Variants in NDST3 observed in about 807,000 individuals in gnomAD.
NDST3 encodes N-deacetylase and N-sulfotransferase 3, also known as bifunctional heparan sulfate N-deacetylase/N-sulfotransferase 3.
NDST3 carries 58 observed loss-of-function variants against 96.1 expected under a neutral mutation model. The observed-to-expected ratio is 0.60, with a 90% CI of 0.49 to 0.75. The LOEUF is 0.75. Among genes scored for constraint, NDST3 ranks in the 30% least tolerant of loss-of-function variants. NDST3 has a pLI of 0.00. For synonymous variants in NDST3, 333 were observed against 359.7 expected (o/e 0.93, Z 0.84); for missense variants, 788 against 1,034.2 (o/e 0.76, Z 3.27).
At chr4:118,200,396 C>A (rs573815933) in intron 6 of NDST3, among the ~76,000 whole-genome samples, 1 of 152,288 alleles carries the variant, frequency 6.6e-6, no homozygotes, top group East Asian at 1.9e-4. Context: ...AAGGGCTCTT[C>A]AGTCAGCTTG....
rs1358126348 is a variant in NDST3 at position 118,224,477 on chromosome 4, T to C, written c.1540-14T>C. 1 of 1,590,250 alleles carries C rather than the reference T, an allele frequency of 6.3e-7. No homozygotes were observed. The highest frequency in any genetic ancestry group is 8.6e-7 in the Non-Finnish European group (1 of 1,166,470). ...TAAATGTTATTTACACTGAAGTTCA[T>C]TTGCTTTTTTCAGATCAGCATTTTC... On this transcript the variant is annotated splice_polypyrimidine_tract_variant and intron_variant, in intron 6 of 13. Transcript: ENST00000296499.
At chr4:118,063,060 C>T (rs1394652516) in intron 2 of NDST3, among the ~76,000 whole-genome samples, 6 of 151,782 alleles carry the variant, frequency 4.0e-5, no homozygotes, top group Non-Finnish European at 8.8e-5. Flanking sequence ...AGTGGTGGCA[C>T]ACTCCTGTAG....
At chr4:118,156,010 C>T (rs745921432) in intron 6 of NDST3, among the ~76,000 whole-genome samples, 1 of 152,122 alleles carries the variant, frequency 6.6e-6, no homozygotes, top group African/African-American at 2.4e-5. Flanking sequence ...TTCCTACATA[C>T]TAAATACAAA....
chr4:118,163,557 C>T (rs1228186519), intron 6 of NDST3, among the ~76,000 whole-genome samples: 1 of 151,724 alleles, frequency 6.6e-6, no homozygotes, highest in Non-Finnish European at 1.5e-5. Flanking sequence ...ACAATGAGAA[C>T]ACATGGACAC....
intron 2 of NDST3, among the ~76,000 whole-genome samples, chr4:118,081,544 A>C (rs1355527354): frequency 3.3e-5 from 5 of 152,152 alleles, no homozygotes; most frequent in Admixed American, 3.3e-4. Context: ...TTCATATGTA[A>C]CAGGAGGGAT....
At chr4:118,061,567 C>A (rs1323488692) in intron 2 of NDST3, among the ~76,000 whole-genome samples, 1 of 152,106 alleles carries the variant, frequency 6.6e-6, no homozygotes, top group Non-Finnish European at 1.5e-5. Context: ...ACCAGACATA[C>A]CATGTATTTT....
At chr4:118,075,901 T>C (rs2125809373) in intron 2 of NDST3, among the ~76,000 whole-genome samples, 1 of 152,346 alleles carries the variant, frequency 6.6e-6, no homozygotes. Flanking sequence ...CTCTTTAGTT[T>C]AATTAGATCC....
rs551305326 is a variant in NDST3, at chr4:118,117,399, G to A, written c.1224+2439G>A. Among the ~76,000 whole-genome samples, 13 of 152,094 alleles carry A rather than the reference G, an allele frequency of 8.5e-5. No homozygotes were observed. In the South Asian group the frequency reaches 2.5e-3, roughly 29 times the overall value. ...GAGGTGTTTGGACTGACAGGTAAGA[G>A]GGACAAAAATCCTTAAGTTTAAAAG... On this transcript the variant is annotated intron_variant, in intron 4 of 13. Coordinates refer to ENST00000296499, the MANE Select transcript of NDST3 (RefSeq NM_004784.3).
chr4:118,248,133 C>T (rs771995107), intron 12 of NDST3, among the ~76,000 whole-genome samples: 2 of 152,064 alleles, frequency 1.3e-5, no homozygotes, highest in Non-Finnish European at 2.9e-5. Flanking sequence ...GGTGGATCAC[C>T]TGAGGTCAGG....
intron 6 of NDST3, among the ~76,000 whole-genome samples, chr4:118,204,987 T>A (rs1429803110): frequency 1.4e-5 from 2 of 144,868 alleles, no homozygotes; most frequent in Admixed American, 1.4e-4. Flanking sequence ...TGGCTTATTA[T>A]ATTAAAGTTG....
chr4:118,221,635 G>GA (rs1202413094), intron 6 of NDST3, among the ~76,000 whole-genome samples: 1 of 151,988 alleles, frequency 6.6e-6, no homozygotes, highest in Non-Finnish European at 1.5e-5. Flanking sequence ...GTTACACTTT[G>GA]ACAAACAGTA....
intron 6 of NDST3, among the ~76,000 whole-genome samples, chr4:118,144,892 T>C (rs980624829): frequency 6.6e-6 from 1 of 152,172 alleles, no homozygotes; most frequent in Non-Finnish European, 1.5e-5. Flanking sequence ...AGGAGATTTA[T>C]TGTGCTCAAT....
intron 4 of NDST3, among the ~76,000 whole-genome samples, chr4:118,132,327 C>G (rs1168183331): frequency 2.0e-5 from 3 of 152,172 alleles, no homozygotes; most frequent in African/African-American, 7.2e-5. Context: ...GGAGAAGAGC[C>G]TCTCCCTCTG....
intron 2 of NDST3, among the ~76,000 whole-genome samples, chr4:118,064,002 G>C (rs1407624670): frequency 6.6e-6 from 1 of 152,106 alleles, no homozygotes; most frequent in Non-Finnish European, 1.5e-5. Flanking sequence ...TGTATCTAAA[G>C]CTTTGCCCTA....
chr4:118,119,850 G>A (rs1731407291), intron 4 of NDST3, among the ~76,000 whole-genome samples: 1 of 152,118 alleles, frequency 6.6e-6, no homozygotes, highest in Non-Finnish European at 1.5e-5. Flanking sequence ...GGCCCAGAAA[G>A]AGTCTCCAGC....
intron 6 of NDST3, among the ~76,000 whole-genome samples, chr4:118,167,630 T>TG (rs1735644111): frequency 6.6e-6 from 1 of 151,990 alleles, no homozygotes; most frequent in African/African-American, 2.4e-5. Context: ...AGAACAAAGC[T>TG]GGAAGCATCC....
intron 6 of NDST3, among the ~76,000 whole-genome samples, chr4:118,193,148 C>A (rs969040037): frequency 6.6e-6 from 1 of 152,086 alleles, no homozygotes; most frequent in Non-Finnish European, 1.5e-5. Context: ...TAAATTAACA[C>A]TCTAATGAGC....
chr4:118,232,104 TA>T (rs2125999950), intron 8 of NDST3, among the ~76,000 whole-genome samples: 1 of 152,322 alleles, frequency 6.6e-6, no homozygotes, highest in East Asian at 1.9e-4. Context: ...CATTGAAGCT[TA>T]AGCAAACTTG....
intron 6 of NDST3, chr4:118,193,923 T>C (rs1288198264): frequency 7.3e-6 from 7 of 956,956 alleles, no homozygotes; most frequent in Non-Finnish European, 1.2e-5. Flanking sequence ...AAAGCTTGCT[T>C]GTATTTGCCT....
Sources: gnomAD v4.1 joint callset for allele counts (sites outside exome capture counted in the v4.1 genomes callset) on GRCh38, gnomAD v4.1.1 for gene constraint, MANE v1.5 for transcripts, NCBI Gene and HGNC (gene_info 2026-07-23, HGNC 2026-07-21) for gene names.